STT3A: variants seen among roughly 807,000 people sequenced by gnomAD.
The protein encoded by STT3A is STT3 oligosaccharyltransferase complex catalytic subunit A.
In STT3A, 34 loss-of-function variants were observed where a neutral mutation model predicts 89.2. The observed-to-expected ratio is 0.38, with a 90% CI of 0.29 to 0.51. The LOEUF (loss-of-function observed/expected upper bound fraction) is 0.51, where lower values mean the gene tolerates loss of function less well. STT3A is among the 20% of genes least tolerant of loss of function. The pLI is 0.89. For synonymous variants in STT3A, 282 were observed against 310.3 expected, an observed-to-expected ratio of 0.91 and a Z score of 0.96; for missense variants, 555 against 889.5, an observed-to-expected ratio of 0.62 and a Z score of 4.78.
In STT3A at chr11:125,602,886, C is replaced by T; in HGVS notation, c.355C>T (p.Leu119=). ...TIDIRNVCVF[L]APLFSSFTTI... Reference sequence around the variant, plus strand: ...CGACATTCGGAATGTCTGTGTGTTCCTGGCCCCTCTCTTCTCCTCCTTCAC... The same window carrying T: ...CGACATTCGGAATGTCTGTGTGTTCTTGGCCCCTCTCTTCTCCTCCTTCAC... The change falls in exon 5 of 18, where the codon CTG becomes TTG. Residue 119 remains leucine (L), a synonymous_variant. Transcript: ENST00000392708. The T allele has an allele frequency of 1.2e-6, 2 of 1,614,128 alleles. No individual in the cohort carries two copies. Among genetic ancestry groups the T allele is most frequent in the Non-Finnish European group, 1.7e-6 (2 of 1,180,034 alleles).
Position 125,608,081 on chromosome 11 carries a change from A to T in STT3A, c.781-28A>T, listed in dbSNP as rs372496473. The T allele has an allele frequency of 5.7e-6, 9 of 1,566,150 alleles. No homozygotes were observed. The Admixed American group carries it at 5.9e-5, about 10-fold the overall frequency. The stretch of plus-strand genomic sequence containing the variant: ...GACTTACTCATTTTTTTTCCTTAGT[A>T]TTAACATACATATCCTTTTACCTAC... On this transcript the variant is annotated intron_variant, in intron 8 of 17. Coordinates refer to ENST00000392708, the MANE Select transcript of STT3A (RefSeq NM_152713.5).
At chr11:125,617,506 T>G (rs1207395489) in intron 15 of STT3A, among the ~76,000 whole-genome samples, 1 of 152,218 alleles carries the variant, frequency 6.6e-6, no homozygotes, top group Non-Finnish European at 1.5e-5. Context: ...GAAATATTTT[T>G]AATACTAACC....
At position 125,614,212 on chromosome 11, in the gene STT3A, A is replaced by G. The variant is rs1940104378; in HGVS notation, c.1671+9A>G. On this transcript the variant is annotated intron_variant, in intron 14 of 17. Transcript: ENST00000392708. The surrounding 1 kb of genome is among the most constrained non-coding windows in gnomAD (Gnocchi z 4.9). ...TTTCTCGAGTAGGGCAGGTAAGATA[A>G]AGGGATGATCTTTGAGTGTTTGGTG... The G allele has an allele frequency of 1.2e-6, 2 of 1,613,746 alleles. No individual in the cohort carries two copies. Among genetic ancestry groups the G allele is most frequent in the Non-Finnish European group, 1.7e-6 (2 of 1,179,650 alleles).
intron 17 of STT3A, 53 bp from the exon 18 acceptor site, chr11:125,620,719 T>C: frequency 6.3e-7 from 1 of 1,580,868 alleles, no homozygotes; most frequent in Non-Finnish European, 8.7e-7. Context: ...AGTAGAAAAT[T>C]TCTCCAAAGT....
At chr11:125,618,610 CT>C in intron 16 of STT3A, 49 bp downstream of exon 16, 1 of 1,549,608 alleles carries the variant, frequency 6.5e-7, no homozygotes. Context: ...ATAGTGATTA[CT>C]AATACACAGT....
At chr11:125,610,917 A>G (rs1456813621) in intron 10 of STT3A, 1 of 152,374 alleles carries the variant, frequency 6.6e-6, no homozygotes. Context: ...AAAAAGGTAC[A>G]TATTCAGGAG....
intron 1 of STT3A, among the ~76,000 whole-genome samples, chr11:125,594,664 T>A (rs1390604366): frequency 6.6e-6 from 1 of 152,002 alleles, no homozygotes; most frequent in Non-Finnish European, 1.5e-5. Flanking sequence ...TATATTGCTA[T>A]ATAAATAATT....
Position 125,614,220 on chromosome 11 carries a change from A to G in STT3A, c.1671+17A>G, listed in dbSNP as rs1277873255. The G allele has an allele frequency of 3.7e-6, 6 of 1,613,066 alleles. No homozygotes were observed. Among genetic ancestry groups the G allele is most frequent in the Non-Finnish European group, 5.1e-6 (6 of 1,179,184 alleles). On this transcript the variant is annotated intron_variant, in intron 14 of 17. Transcript: ENST00000392708. The surrounding 1 kb of genome is among the most constrained non-coding windows in gnomAD (Gnocchi z 4.9). ...GTAGGGCAGGTAAGATAAAGGGATG[A>G]TCTTTGAGTGTTTGGTGTACAAGGT... is the stretch of plus-strand genomic sequence containing the variant.
chr11:125,606,206 G>C (rs1939831560), intron 7 of STT3A, 95 bp from the exon 8 acceptor site: 4 of 1,151,026 alleles, frequency 3.5e-6, no homozygotes, highest in Non-Finnish European at 4.9e-6. Context: ...TACTATAAGT[G>C]TTCTTTAAAG....
Position 125,613,831 on chromosome 11 carries a change from T to G in STT3A, c.1555-256T>G. The G allele has an allele frequency of 2.5e-6, 1 of 406,096 alleles. No homozygotes were observed. The highest frequency in any genetic ancestry group is 4.6e-6 in the Non-Finnish European group (1 of 219,252). 25.2% of individuals were successfully genotyped at this position (406,096 alleles called of 1,614,324 possible). A position where few individuals can be genotyped will look rare whatever the true frequency, so the allele number is the denominator to read the frequency against. ...ACAGTCTCCCACACCTCCCACCCCA[T>G]TATGTTAGTATAAAGTGACCTGGGA... On this transcript the variant is annotated intron_variant, in intron 13 of 17. Coordinates refer to ENST00000392708, the MANE Select transcript of STT3A (RefSeq NM_152713.5). This position sits in a 1 kb window ranked among gnomAD's most constrained non-coding sequence, Gnocchi z 4.2.
chr11:125,617,584 C>T lies in STT3A; in HGVS notation c.1775-789C>T, dbSNP rs139694778. On this transcript the variant is annotated intron_variant, in intron 15 of 17. Coordinates refer to ENST00000392708, the MANE Select transcript of STT3A (RefSeq NM_152713.5). ...CAAGCAATACAGTAAATGATGAACC[C>T]TAAAAGAGATATCATGAGTTGATGA... 5.1e-4 allele frequency among the ~76,000 whole-genome samples: 78 copies of T among 152,282 alleles called. No homozygotes were observed. The East Asian group carries it at 0.014, about 26-fold the overall frequency.
In STT3A at chr11:125,614,556, T is replaced by G; in HGVS notation, c.1774+130T>G. 1.1e-6 allele frequency: 1 copy of G among 900,012 alleles called. No homozygotes were observed. The highest frequency in any genetic ancestry group is 1.7e-5 in the South Asian group (1 of 57,868). The allele number at this position is 900,012 out of a possible 1,614,324, so 55.8% of individuals were successfully genotyped here. On this transcript the variant is annotated intron_variant, in intron 15 of 17. Coordinates refer to ENST00000392708, the MANE Select transcript of STT3A (RefSeq NM_152713.5). The surrounding 1 kb of genome is among the most constrained non-coding windows in gnomAD (Gnocchi z 4.9). ...TTCTTTCATGGGAAGTTCCTAAGTATTTGCAACTTGAGGTTTGGGTATTTT... is the reference window on the plus strand; with the variant it reads ...TTCTTTCATGGGAAGTTCCTAAGTAGTTGCAACTTGAGGTTTGGGTATTTT...
intron 8 of STT3A, among the ~76,000 whole-genome samples, chr11:125,607,234 C>T (rs1939867104): frequency 6.6e-6 from 1 of 152,158 alleles, no homozygotes; most frequent in African/African-American, 2.4e-5. Flanking sequence ...ATGTTCTGAG[C>T]ATGTTTAAGG....
intron 9 of STT3A, among the ~76,000 whole-genome samples, chr11:125,608,863 C>T (rs536061046): frequency 6.6e-6 from 1 of 152,190 alleles, no homozygotes; most frequent in East Asian, 1.9e-4. Flanking sequence ...AGGACTATAT[C>T]TTACCTTGCG....
chr11:125,602,229 T>C, intron 3 of STT3A, 74 bp from the exon 4 acceptor site: 1 of 1,517,116 alleles, frequency 6.6e-7, no homozygotes, highest in Non-Finnish European at 8.9e-7. Flanking sequence ...TGAGTAATGC[T>C]GAATTTCTCA....
intron 6 of STT3A, among the ~76,000 whole-genome samples, chr11:125,604,985 C>T (rs1246683128): frequency 1.3e-5 from 2 of 152,094 alleles, no homozygotes; most frequent in Admixed American, 6.6e-5. Flanking sequence ...GCCTATAGTC[C>T]CAGCTACTCT....
chr11:125,612,608 T>C lies in STT3A; in HGVS notation c.1226T>C (p.Val409Ala). ...CTCTGTTAGGTGCGTCTAATGCTAG[T>C]GTTGGCACCTGTTATGTGCATTCTC... ...FSAVMVRLML[V>A]LAPVMCILSG... The change falls in exon 12 of 18, where the codon GTG becomes GCG. Residue 409 changes from valine (V) to alanine (A), a missense_variant. Val to Ala is a moderately conservative substitution (Grantham distance 64, BLOSUM62 0). Around this residue, in one of 5 missense-constraint regions of STT3A, gnomAD observed 273 missense variants for 449.8 expected, o/e 0.61. Transcript: ENST00000392708. 1.2e-6 allele frequency: 2 copies of C among 1,614,076 alleles called. No individual in the cohort carries two copies. The highest frequency in any genetic ancestry group is 1.7e-6 in the Non-Finnish European group (2 of 1,179,984).
chr11:125,592,421 A>C (rs1252829476), upstream of STT3A: 1 of 456,278 alleles, frequency 2.2e-6, no homozygotes, highest in Non-Finnish European at 4.4e-6. Context: ...TTTCTACCTT[A>C]AAAAAGACGG....
Position 125,612,971 on chromosome 11 carries a change from T to C in STT3A, c.1366-18T>C. On this transcript the variant is annotated intron_variant, in intron 12 of 17. Transcript: ENST00000392708. ...TTAGTTTGGTTAACTACACAATTAA[T>C]TCTTTTTCCTTGTTTAGGTGGCAAG... 6.2e-7 allele frequency: 1 copy of C among 1,612,762 alleles called. No homozygotes were observed.
Sources: allele counts gnomAD v4.1 joint callset (sites outside exome capture counted in the v4.1 genomes callset), GRCh38; gene constraint gnomAD v4.1.1; regional missense constraint gnomAD v4.1.1; non-coding constraint Gnocchi (gnomAD v3.1); transcripts MANE v1.5; gene names NCBI Gene and HGNC (gene_info 2026-07-23, HGNC 2026-07-21).